ANGPT1: variants seen among roughly 807,000 people sequenced by gnomAD.
ANGPT1 encodes the protein angiopoietin-1.
ANGPT1 carries 17 observed loss-of-function variants against 62.2 expected under a neutral mutation model. The observed-to-expected ratio is 0.27, with a 90% CI of 0.19 to 0.41. ANGPT1 has a LOEUF of 0.41. Among genes scored for constraint, ANGPT1 ranks in the 10% least tolerant of loss-of-function variants. The pLI is 1.00. For synonymous variants in ANGPT1, 199 were observed against 198.9 expected (o/e 1.00, Z 0.00); for missense variants, 478 against 594.9 (o/e 0.80, Z 2.04).
intron 1 of ANGPT1, among the ~76,000 whole-genome samples, chr8:107,484,646 T>C (rs901083102): frequency 1.3e-5 from 2 of 152,130 alleles, no homozygotes; most frequent in South Asian, 4.1e-4. Context: ...TTGGGCTCAA[T>C]CCACCAGTCT....
intron 1 of ANGPT1, among the ~76,000 whole-genome samples, chr8:107,420,551 G>A (rs1433189): frequency 5.9e-5 from 9 of 152,056 alleles, no homozygotes; most frequent in Admixed American, 2.0e-4. Flanking sequence ...AGAACAAGTC[G>A]TTAAAGTTGT....
At chr8:107,303,187 C>T in intron 5 of ANGPT1, 53 bp downstream of exon 5, 2 of 1,587,514 alleles carry the variant, frequency 1.3e-6, no homozygotes, top group East Asian at 2.2e-5. Context: ...GATTATCCAG[C>T]AATTCAACTG....
intron 7 of ANGPT1, among the ~76,000 whole-genome samples, chr8:107,273,394 CA>C (rs1261327066): frequency 1.3e-5 from 2 of 152,054 alleles, no homozygotes; most frequent in African/African-American, 2.4e-5. Context: ...AAGCCTCCAG[CA>C]TGCATTAGCA....
chr8:107,345,541 T>C (rs187586661), intron 2 of ANGPT1, among the ~76,000 whole-genome samples: 34 of 152,310 alleles, frequency 2.2e-4, no homozygotes, highest in African/African-American at 7.7e-4. Context: ...AAAGTTATTG[T>C]AATAGAAACT....
At chr8:107,464,716 A>T (rs572898433) in intron 1 of ANGPT1, among the ~76,000 whole-genome samples, 1 of 152,252 alleles carries the variant, frequency 6.6e-6, no homozygotes, top group Admixed American at 6.5e-5. Context: ...CAATCCCGTA[A>T]ATTTATTGTA....
At chr8:107,276,547 G>A (rs1453140028) in intron 7 of ANGPT1, among the ~76,000 whole-genome samples, 1 of 151,976 alleles carries the variant, frequency 6.6e-6, no homozygotes, top group African/African-American at 2.4e-5. Context: ...TACATGGGAG[G>A]CTCGAGAGAA....
chr8:107,363,689 G>A (rs538610977), intron 1 of ANGPT1, among the ~76,000 whole-genome samples: 2 of 152,212 alleles, frequency 1.3e-5, no homozygotes, highest in East Asian at 3.9e-4. Flanking sequence ...AAAATAACAA[G>A]CTTCAAATGG....
intron 1 of ANGPT1, among the ~76,000 whole-genome samples, chr8:107,378,540 T>TA (rs1816573007): frequency 6.6e-6 from 1 of 152,314 alleles, no homozygotes; most frequent in South Asian, 2.1e-4. Context: ...TGTACACTGT[T>TA]ACGGCTTGGC....
At chr8:107,474,346 T>C (rs1489789837) in intron 1 of ANGPT1, among the ~76,000 whole-genome samples, 1 of 152,162 alleles carries the variant, frequency 6.6e-6, no homozygotes, top group South Asian at 2.1e-4. Flanking sequence ...CATGATTACC[T>C]CAATAGATGC....
chr8:107,259,024 T>C (rs2514874), intron 8 of ANGPT1, among the ~76,000 whole-genome samples: 129,498 of 152,166 alleles, frequency 0.85, 55,118 homozygotes, highest in Middle Eastern at 0.88. Context: ...GTGGACAGCA[T>C]AAAATCCCTG....
At chr8:107,390,990 TC>T (rs1816823822) in intron 1 of ANGPT1, among the ~76,000 whole-genome samples, 1 of 152,164 alleles carries the variant, frequency 6.6e-6, no homozygotes, top group African/African-American at 2.4e-5. Flanking sequence ...GCCTTGTGAC[TC>T]AGAGTCCCAA....
intron 1 of ANGPT1, among the ~76,000 whole-genome samples, chr8:107,366,043 C>A (rs2130224179): frequency 6.6e-6 from 1 of 152,280 alleles, no homozygotes; most frequent in South Asian, 2.1e-4. Context: ...TTGACTCAAT[C>A]CATTTTTAAT....
At chr8:107,379,326 T>C (rs1229759937) in intron 1 of ANGPT1, among the ~76,000 whole-genome samples, 1 of 152,146 alleles carries the variant, frequency 6.6e-6, no homozygotes, top group African/African-American at 2.4e-5. Context: ...GAGAAAGTCA[T>C]CACGTCTAAG....
At chr8:107,364,148 CCA>C in intron 1 of ANGPT1, among the ~76,000 whole-genome samples, 1 of 152,214 alleles carries the variant, frequency 6.6e-6, no homozygotes, top group African/African-American at 2.4e-5. Flanking sequence ...AGCCTTAAGG[CCA>C]CCAGTGGACT....
chr8:107,336,410 A>G, intron 2 of ANGPT1, 139 bp from the exon 3 acceptor site: 1 of 1,307,522 alleles, frequency 7.6e-7, no homozygotes, highest in Non-Finnish European at 9.8e-7. Flanking sequence ...TCACGCCTGT[A>G]ATCCCAGCAC....
At chr8:107,401,454 G>A (rs1817046767) in intron 1 of ANGPT1, among the ~76,000 whole-genome samples, 1 of 152,184 alleles carries the variant, frequency 6.6e-6, no homozygotes, top group Non-Finnish European at 1.5e-5. Context: ...TGTTTCTACA[G>A]GTTGGAATAG....
chr8:107,258,913 A>C (rs2514873), intron 8 of ANGPT1, among the ~76,000 whole-genome samples: 129,819 of 152,154 alleles, frequency 0.85, 55,399 homozygotes, highest in Middle Eastern at 0.89. Flanking sequence ...GTAATTTTGC[A>C]ATGTCCTTTC....
intron 4 of ANGPT1, 44 bp from the exon 5 acceptor site, chr8:107,303,411 C>G (rs770771634): frequency 1.7e-5 from 25 of 1,503,270 alleles, no homozygotes; most frequent in Non-Finnish European, 2.1e-5. Flanking sequence ...AATATCAGTA[C>G]CATTAGTAGC....
At chr8:107,431,519 C>T (rs1586316844) in intron 1 of ANGPT1, among the ~76,000 whole-genome samples, 1 of 152,164 alleles carries the variant, frequency 6.6e-6, no homozygotes, top group Admixed American at 6.5e-5. Flanking sequence ...TGCCAGGTCC[C>T]GGAGCCTTGC....
Sources: allele counts gnomAD v4.1 joint callset (sites outside exome capture counted in the v4.1 genomes callset), GRCh38; gene constraint gnomAD v4.1.1; transcripts MANE v1.5; gene names NCBI Gene and HGNC (gene_info 2026-07-23, HGNC 2026-07-21).